Variants in ENTHD1 observed in about 807,000 individuals in gnomAD.
The protein encoded by ENTHD1 is ENTH domain containing 1.
In ENTHD1, 23 loss-of-function variants were observed where a neutral mutation model predicts 39.1. The observed-to-expected ratio is 0.59, with a 90% CI of 0.42 to 0.83. The LOEUF is 0.83. ENTHD1 is among the 40% of genes least tolerant of loss of function. The pLI is 0.00. For missense variants in ENTHD1, 624 were observed against 705.4 expected (o/e 0.88, Z 1.31); for synonymous variants, 230 against 258.2 (o/e 0.89, Z 1.05).
At chr22:39,872,850 CTTT>C (rs35796089) in intron 2 of ENTHD1, among the ~76,000 whole-genome samples, 6 of 140,064 alleles carry the variant, frequency 4.3e-5, no homozygotes, top group Admixed American at 7.2e-5. Context: ...AGTAAAATCA[CTTT>C]TTTTTTTTTT....
intron 1 of ENTHD1, among the ~76,000 whole-genome samples, chr22:39,891,921 CA>C (rs200586839): frequency 2.6e-5 from 4 of 151,552 alleles, no homozygotes; most frequent in African/African-American, 4.8e-5. Flanking sequence ...TGCTTGGCCT[CA>C]AAAAAAATTT....
At chr22:39,755,949 A>T (rs1022616521) in intron 6 of ENTHD1, among the ~76,000 whole-genome samples, 1 of 152,248 alleles carries the variant, frequency 6.6e-6, no homozygotes, top group Non-Finnish European at 1.5e-5. Flanking sequence ...GGCTGGGATT[A>T]TGATCCCAGG....
At chr22:39,852,486 C>A (rs1300067223) in intron 3 of ENTHD1, among the ~76,000 whole-genome samples, 2 of 152,166 alleles carry the variant, frequency 1.3e-5, no homozygotes, top group African/African-American at 4.8e-5. Flanking sequence ...GTTATGCATA[C>A]CCTAACAACA....
intron 4 of ENTHD1, among the ~76,000 whole-genome samples, chr22:39,828,482 C>T (rs1171816499): frequency 6.6e-6 from 1 of 152,052 alleles, no homozygotes. Flanking sequence ...TAAATGGCAT[C>T]CCAATAAACC....
intron 5 of ENTHD1, among the ~76,000 whole-genome samples, chr22:39,782,006 G>T (rs966459044): frequency 6.6e-6 from 1 of 152,106 alleles, no homozygotes; most frequent in Non-Finnish European, 1.5e-5. Flanking sequence ...AACAAGATTG[G>T]CCGGGCATGG....
intron 5 of ENTHD1, among the ~76,000 whole-genome samples, chr22:39,814,295 C>CAAAAAAAA (rs77915572): frequency 1.8e-4 from 18 of 97,704 alleles, no homozygotes; most frequent in African/African-American, 4.4e-4. Context: ...CCCATCTCTA[C>CAAAAAAAA]AAAAAAAAAA....
At chr22:39,860,933 G>T (rs985974640) in intron 3 of ENTHD1, among the ~76,000 whole-genome samples, 1 of 152,182 alleles carries the variant, frequency 6.6e-6, no homozygotes, top group African/African-American at 2.4e-5. Flanking sequence ...TAAAAGTTCA[G>T]TAGTCCATAT....
At chr22:39,785,508 T>C (rs1459883260) in intron 5 of ENTHD1, among the ~76,000 whole-genome samples, 1 of 152,200 alleles carries the variant, frequency 6.6e-6, no homozygotes, top group Non-Finnish European at 1.5e-5. Flanking sequence ...GAGACAACTA[T>C]CTCTCTTTCT....
At chr22:39,802,770 T>C (rs1239330830) in intron 5 of ENTHD1, among the ~76,000 whole-genome samples, 2 of 152,130 alleles carry the variant, frequency 1.3e-5, no homozygotes, top group Non-Finnish European at 2.9e-5. Context: ...TGCTTTGGGG[T>C]ATTGTTCTCT....
intron 5 of ENTHD1, among the ~76,000 whole-genome samples, chr22:39,819,982 A>G (rs1427191275): frequency 3.3e-5 from 5 of 152,222 alleles, no homozygotes. Context: ...TAAGAATACA[A>G]AGCAAGCTTT....
At chr22:39,805,183 T>C (rs2065630852) in intron 5 of ENTHD1, among the ~76,000 whole-genome samples, 1 of 152,202 alleles carries the variant, frequency 6.6e-6, no homozygotes, top group Non-Finnish European at 1.5e-5. Context: ...TCATTCTTCT[T>C]TCATTCTGAG....
intron 4 of ENTHD1, among the ~76,000 whole-genome samples, chr22:39,823,904 C>T (rs952419575): frequency 6.6e-6 from 1 of 152,134 alleles, no homozygotes; most frequent in Non-Finnish European, 1.5e-5. Flanking sequence ...AGGCTAATAA[C>T]GTTGAACAAC....
At chr22:39,891,088 C>A (rs181892210) in intron 1 of ENTHD1, among the ~76,000 whole-genome samples, 3 of 152,284 alleles carry the variant, frequency 2.0e-5, no homozygotes, top group Admixed American at 2.0e-4. Context: ...ACATTTGAAT[C>A]TTGGTTGTCT....
At chr22:39,802,150 G>T (rs894282896) in intron 5 of ENTHD1, among the ~76,000 whole-genome samples, 3 of 152,102 alleles carry the variant, frequency 2.0e-5, no homozygotes, top group African/African-American at 7.2e-5. Flanking sequence ...GGGTGAAAAA[G>T]GTGTGATACC....
chr22:39,770,297 A>C (rs1198025359), intron 5 of ENTHD1, among the ~76,000 whole-genome samples: 1 of 152,180 alleles, frequency 6.6e-6, no homozygotes, highest in Non-Finnish European at 1.5e-5. Flanking sequence ...GAGTAGGAAG[A>C]GAGGACTTGC....
At chr22:39,834,169 T>G (rs1370693023) in intron 4 of ENTHD1, among the ~76,000 whole-genome samples, 1 of 152,042 alleles carries the variant, frequency 6.6e-6, no homozygotes, top group Non-Finnish European at 1.5e-5. Flanking sequence ...TTTTGCTCTG[T>G]GAAAGATATT....
intron 5 of ENTHD1, among the ~76,000 whole-genome samples, chr22:39,807,642 T>C (rs1324767336): frequency 6.6e-6 from 1 of 152,008 alleles, no homozygotes; most frequent in Non-Finnish European, 1.5e-5. Context: ...CTGCCTGAGA[T>C]TCTCTTCTCT....
intron 1 of ENTHD1, 66 bp from the exon 2 acceptor site, chr22:39,887,969 T>C: frequency 7.0e-6 from 3 of 430,640 alleles, no homozygotes; most frequent in Non-Finnish European, 1.2e-5. Flanking sequence ...ACCAAATCAA[T>C]CTGAAAATCT....
At chr22:39,798,863 C>T (rs902912399) in intron 5 of ENTHD1, among the ~76,000 whole-genome samples, 1 of 152,110 alleles carries the variant, frequency 6.6e-6, no homozygotes, top group African/African-American at 2.4e-5. Flanking sequence ...TTGATGTTAG[C>T]AGTAGCTGTG....
Sources: gnomAD v4.1 joint callset for allele counts (sites outside exome capture counted in the v4.1 genomes callset) on GRCh38, gnomAD v4.1.1 for gene constraint, MANE v1.5 for transcripts, NCBI Gene and HGNC (gene_info 2026-07-23, HGNC 2026-07-21) for gene names.